Variants in PPFIBP1 observed in about 807,000 individuals in gnomAD.
PPFIBP1 encodes PPFIB scaffold protein 1, also known as liprin-beta-1.
A neutral mutation model predicts 137.8 loss-of-function variants in PPFIBP1; 112 were observed. The observed-to-expected ratio is 0.81, with a 90% CI of 0.70 to 0.95. PPFIBP1 has a LOEUF of 0.95. PPFIBP1 is among the 40% of genes least tolerant of loss of function. PPFIBP1 has a pLI of 0.00. For missense variants in PPFIBP1, 1,083 were observed against 1,196.6 expected (o/e 0.91, Z 1.40); for synonymous variants, 378 against 417.3 (o/e 0.91, Z 1.15).
At chr12:27,654,857 C>T in intron 8 of PPFIBP1, 43 bp downstream of exon 8, 3 of 1,584,882 alleles carry the variant, frequency 1.9e-6, no homozygotes, top group Non-Finnish European at 2.6e-6. Flanking sequence ...CAAATGGCAT[C>T]ACTATTCATC....
chr12:27,556,398 G>A (rs954538574), intron 1 of PPFIBP1, among the ~76,000 whole-genome samples: 1 of 152,326 alleles, frequency 6.6e-6, no homozygotes, highest in East Asian at 1.9e-4. Flanking sequence ...AGTTTCAGGC[G>A]TCACACCAAA....
At chr12:27,631,339 C>T (rs969680352) in intron 2 of PPFIBP1, among the ~76,000 whole-genome samples, 9 of 152,130 alleles carry the variant, frequency 5.9e-5, no homozygotes, top group Non-Finnish European at 1.0e-4. Flanking sequence ...AAGTCTTTGG[C>T]CTTTGATTCT....
rs116920590 is a variant in PPFIBP1 at position 27,647,421 on chromosome 12, C to T, written c.358-308C>T. ...TCTCTTATACTATCTCCACGCTGCC[C>T]CCTAAAAAGATAACTTCTGTACATG... On this transcript the variant is annotated intron_variant, in intron 5 of 29. Coordinates refer to ENST00000228425, the MANE Select transcript of PPFIBP1 (RefSeq NM_003622.4). Among the ~76,000 whole-genome samples, 589 of 152,226 alleles carry T rather than the reference C, an allele frequency of 3.9e-3. 2 individuals are homozygous for T. Among genetic ancestry groups the T allele is most frequent in the Non-Finnish European group, 6.6e-3 (450 of 68,016 alleles).
intron 17 of PPFIBP1, among the ~76,000 whole-genome samples, chr12:27,675,569 C>T (rs907047493): frequency 6.6e-6 from 1 of 152,114 alleles, no homozygotes; most frequent in Non-Finnish European, 1.5e-5. Context: ...ACAAAAGTAT[C>T]TTTGTATAAA....
chr12:27,606,340 T>C (rs901963621), intron 2 of PPFIBP1, among the ~76,000 whole-genome samples: 1 of 3,400 alleles, frequency 2.9e-4, no homozygotes, highest in African/African-American at 1.1e-3. Context: ...GAGGATGAGT[T>C]CTCATGTACC....
intron 1 of PPFIBP1, among the ~76,000 whole-genome samples, chr12:27,536,325 T>C (rs1944998339): frequency 6.6e-6 from 1 of 152,142 alleles, no homozygotes; most frequent in Non-Finnish European, 1.5e-5. Flanking sequence ...GACTGGATAA[T>C]TTATGAAGAA....
intron 7 of PPFIBP1, 46 bp from the exon 8 acceptor site, chr12:27,654,676 T>C (rs747182063): frequency 1.6e-5 from 25 of 1,588,574 alleles, no homozygotes; most frequent in South Asian, 2.3e-5. Flanking sequence ...TATAGGTAAC[T>C]GTGTTACCAC....
At chr12:27,631,945 G>A (rs1332283065) in intron 2 of PPFIBP1, among the ~76,000 whole-genome samples, 3 of 152,092 alleles carry the variant, frequency 2.0e-5, no homozygotes, top group African/African-American at 7.2e-5. Context: ...TATGTGTCCT[G>A]CTTCTTTGGA....
At chr12:27,631,036 G>C (rs2057230517) in intron 2 of PPFIBP1, among the ~76,000 whole-genome samples, 1 of 152,004 alleles carries the variant, frequency 6.6e-6, no homozygotes, top group Non-Finnish European at 1.5e-5. Context: ...GTGAGACCTT[G>C]TCTCAAAAAA....
intron 19 of PPFIBP1, among the ~76,000 whole-genome samples, chr12:27,678,856 C>CAAAAA (rs60834907): frequency 9.1e-5 from 9 of 98,958 alleles, no homozygotes; most frequent in African/African-American, 3.0e-4. Flanking sequence ...GACTCTGTCT[C>CAAAAA]AAAAAAAAAA....
chr12:27,568,646 C>A (rs7965940), intron 1 of PPFIBP1, among the ~76,000 whole-genome samples: 96,770 of 151,908 alleles, frequency 0.64, 31,143 homozygotes, highest in African/African-American at 0.72. Flanking sequence ...CTTCCAGCCT[C>A]TCCCAGACTT....
chr12:27,660,358 G>A (rs1369676344), intron 10 of PPFIBP1, among the ~76,000 whole-genome samples: 2 of 152,148 alleles, frequency 1.3e-5, no homozygotes, highest in African/African-American at 2.4e-5. Context: ...TATAGATGAA[G>A]CAAAGTACTT....
intron 13 of PPFIBP1, 43 bp downstream of exon 13, chr12:27,667,363 GTGTTACTGAAAA>G: frequency 6.7e-7 from 1 of 1,482,706 alleles, no homozygotes; most frequent in Non-Finnish European, 9.0e-7. Flanking sequence ...TGAAGAGACT[GTGTTACTGAAAA>G]GTTAAAACAC....
rs141969489 is a variant in PPFIBP1, at chr12:27,680,675, A to G, written c.1895+614A>G. Among the ~76,000 whole-genome samples, 1,237 of 152,324 alleles carry G rather than the reference A, an allele frequency of 8.1e-3. 18 individuals carry two copies. Among genetic ancestry groups the G allele is most frequent in the African/African-American group, 0.028 (1,174 of 41,568 alleles). Reference sequence around the variant, plus strand: ...TCCTTGTATTTATCAGGACTATATAATATTTTATCCATTAAGATTCTAAGA... The same window carrying G: ...TCCTTGTATTTATCAGGACTATATAGTATTTTATCCATTAAGATTCTAAGA... On this transcript the variant is annotated intron_variant, in intron 21 of 29. Transcript: ENST00000228425.
At chr12:27,569,038 C>T (rs373275457) in intron 1 of PPFIBP1, among the ~76,000 whole-genome samples, 1 of 152,124 alleles carries the variant, frequency 6.6e-6, no homozygotes, top group Non-Finnish European at 1.5e-5. Context: ...CCCCTAAATG[C>T]TTTTCTCAGT....
At chr12:27,535,397 G>A (rs1030813971) in intron 1 of PPFIBP1, among the ~76,000 whole-genome samples, 4 of 149,650 alleles carry the variant, frequency 2.7e-5, no homozygotes, top group Non-Finnish European at 4.5e-5. Context: ...TGTTTTTGTT[G>A]TTGTTGTTGT....
rs191677650 is a variant in PPFIBP1, at chr12:27,646,761, G to A, written c.357+613G>A. The stretch of plus-strand genomic sequence containing the variant: ...AAATTTGAGTTTGCTTCTTCATAAT[G>A]TTTTAAATGCTTCACAAACATTTTT... On this transcript the variant is annotated intron_variant, in intron 5 of 29. Coordinates refer to ENST00000228425, the MANE Select transcript of PPFIBP1 (RefSeq NM_003622.4). Among the ~76,000 whole-genome samples the A allele has an allele frequency of 3.9e-4, 59 of 152,186 alleles. No homozygotes were observed. In the East Asian group the frequency reaches 9.1e-3, roughly 23 times the overall value.
intron 11 of PPFIBP1, among the ~76,000 whole-genome samples, chr12:27,662,703 T>C (rs1029290064): frequency 6.6e-6 from 1 of 152,222 alleles, no homozygotes; most frequent in African/African-American, 2.4e-5. Context: ...AGGGAAAGAA[T>C]GAGCTTAATT....
intron 1 of PPFIBP1, among the ~76,000 whole-genome samples, chr12:27,553,657 A>G (rs564079165): frequency 1.7e-4 from 26 of 152,316 alleles, no homozygotes; most frequent in African/African-American, 6.0e-4. Context: ...GCTCATCGAT[A>G]TTCGGGGACT....
Sources: gnomAD v4.1 joint callset for allele counts (sites outside exome capture counted in the v4.1 genomes callset) on GRCh38, gnomAD v4.1.1 for gene constraint, MANE v1.5 for transcripts, NCBI Gene and HGNC (gene_info 2026-07-23, HGNC 2026-07-21) for gene names.